Variants in EFCAB6 observed in about 807,000 individuals in gnomAD.
The protein encoded by EFCAB6 is EF-hand calcium-binding domain-containing protein 6.
EFCAB6 carries 156 observed loss-of-function variants against 169.8 expected under a neutral mutation model. That is an observed-to-expected ratio of 0.92 (90% CI 0.81 to 1.05). EFCAB6 has a LOEUF of 1.05. Ranked by LOEUF, EFCAB6 falls within the 50% of genes least tolerant of loss-of-function variation. The pLI is 0.00. For synonymous variants in EFCAB6, 698 were observed against 676.4 expected (o/e 1.03, Z -0.50); for missense variants, 1,800 against 1,829.1 (o/e 0.98, Z 0.29).
intron 26 of EFCAB6, among the ~76,000 whole-genome samples, chr22:43,568,031 C>T (rs1041259852): frequency 2.0e-5 from 3 of 152,222 alleles, no homozygotes; most frequent in African/African-American, 7.2e-5. Flanking sequence ...GGCACACTCA[C>T]AGGCAGGAGC....
At chr22:43,754,493 A>G (rs2060884808) in intron 6 of EFCAB6, among the ~76,000 whole-genome samples, 1 of 152,198 alleles carries the variant, frequency 6.6e-6, no homozygotes, top group Admixed American at 6.5e-5. Context: ...CTCTGGTACT[A>G]AGCATTACCT....
chr22:43,570,633 C>A (rs568143641), intron 26 of EFCAB6, among the ~76,000 whole-genome samples: 3 of 135,538 alleles, frequency 2.2e-5, no homozygotes, highest in Admixed American at 7.8e-5. Context: ...TTTTCCTGTT[C>A]GGCTTCTTCA....
intron 17 of EFCAB6, among the ~76,000 whole-genome samples, chr22:43,643,086 C>A (rs923368372): frequency 6.6e-6 from 1 of 152,174 alleles, no homozygotes; most frequent in African/African-American, 2.4e-5. Context: ...TGGCTCCAGA[C>A]AGGAACGGAA....
intron 26 of EFCAB6, among the ~76,000 whole-genome samples, chr22:43,562,566 G>A (rs1249428307): frequency 2.0e-5 from 3 of 146,500 alleles, no homozygotes; most frequent in African/African-American, 7.7e-5. Flanking sequence ...GTCAGAGGTG[G>A]GAGGGAGGCA....
chr22:43,688,999 A>G (rs1397708618), intron 10 of EFCAB6, among the ~76,000 whole-genome samples: 1 of 152,188 alleles, frequency 6.6e-6, no homozygotes, highest in African/African-American at 2.4e-5. Context: ...GAATTCTGGG[A>G]GAAAATCTTT....
At chr22:43,782,028 A>C (rs2061838031) in intron 3 of EFCAB6, 152 bp downstream of exon 3, 4 of 759,066 alleles carry the variant, frequency 5.3e-6, no homozygotes. Context: ...CAATTTCCCC[A>C]TATAGAAAAC....
At chr22:43,534,357 C>G (rs985665259) in intron 30 of EFCAB6, among the ~76,000 whole-genome samples, 7 of 152,206 alleles carry the variant, frequency 4.6e-5, no homozygotes, top group Non-Finnish European at 1.0e-4. Context: ...GCCTCCCCAG[C>G]CATGTGGAAC....
At chr22:43,767,894 T>C (rs969095617) in intron 4 of EFCAB6, among the ~76,000 whole-genome samples, 4 of 152,246 alleles carry the variant, frequency 2.6e-5, no homozygotes, top group South Asian at 2.1e-4. Context: ...TGCTCAGTAC[T>C]TGCCTTTTGG....
At chr22:43,616,389 G>A (rs867504367) in intron 20 of EFCAB6, among the ~76,000 whole-genome samples, 6 of 152,230 alleles carry the variant, frequency 3.9e-5, no homozygotes, top group African/African-American at 1.2e-4. Context: ...AGGGCCGGGT[G>A]CAGTGGCTCA....
chr22:43,670,867 C>CAGA, intron 15 of EFCAB6, among the ~76,000 whole-genome samples: 1 of 151,902 alleles, frequency 6.6e-6, no homozygotes, highest in South Asian at 2.1e-4. Flanking sequence ...CTGAGACCAG[C>CAGA]AGCAGCAGCA....
chr22:43,715,989 C>G (rs1189814858), intron 9 of EFCAB6, among the ~76,000 whole-genome samples: 1 of 152,048 alleles, frequency 6.6e-6, no homozygotes, highest in Non-Finnish European at 1.5e-5. Context: ...ACATATTGTG[C>G]CAAGTTTATC....
chr22:43,729,619 C>T (rs2059863181), intron 8 of EFCAB6, among the ~76,000 whole-genome samples: 1 of 152,130 alleles, frequency 6.6e-6, no homozygotes, highest in Non-Finnish European at 1.5e-5. Context: ...GCAGAGATCC[C>T]ACCTTGGAAG....
chr22:43,774,353 C>T (rs576821800), intron 3 of EFCAB6, among the ~76,000 whole-genome samples: 3 of 150,976 alleles, frequency 2.0e-5, no homozygotes, highest in South Asian at 2.1e-4. Context: ...CAAGAGACAA[C>T]GTGCAGGCAC....
At chr22:43,709,709 T>C (rs982395843) in intron 10 of EFCAB6, among the ~76,000 whole-genome samples, 3 of 152,204 alleles carry the variant, frequency 2.0e-5, no homozygotes, top group Non-Finnish European at 4.4e-5. Context: ...TAAATTATTA[T>C]TTGCATAATT....
chr22:43,696,694 C>T (rs1201148641), intron 10 of EFCAB6, among the ~76,000 whole-genome samples: 2 of 152,076 alleles, frequency 1.3e-5, no homozygotes, highest in Non-Finnish European at 2.9e-5. Context: ...TGGTCAAACA[C>T]AAAAGACTAC....
chr22:43,607,149 T>C (rs2052982026), intron 22 of EFCAB6, among the ~76,000 whole-genome samples: 1 of 152,196 alleles, frequency 6.6e-6, no homozygotes, highest in Non-Finnish European at 1.5e-5. Context: ...GGAGCAGCCC[T>C]ACCCTTCCTT....
chr22:43,759,519 G>A (rs995486394), intron 5 of EFCAB6: 10 of 152,108 alleles, frequency 6.6e-5, no homozygotes, highest in African/African-American at 1.4e-4. Flanking sequence ...TGTCCTACAC[G>A]TCCATCTGAA....
In EFCAB6 at chr22:43,788,712, G is replaced by C. The variant is rs911625694; in HGVS notation, c.-7-6387C>G. 2.6e-5 allele frequency among the ~76,000 whole-genome samples: 4 copies of C among 152,302 alleles called. No individual in the cohort carries two copies. In the East Asian group the frequency reaches 5.8e-4, roughly 22 times the overall value. Reference sequence around the variant, plus strand: ...AAACATAGAGTTGCCATACGGCCAAGCAATTTCACTCCCAGGTATATACCC... The same window carrying C: ...AAACATAGAGTTGCCATACGGCCAACCAATTTCACTCCCAGGTATATACCC... On this transcript the variant is annotated intron_variant, in intron 2 of 31. Transcript: ENST00000262726.
intron 17 of EFCAB6, among the ~76,000 whole-genome samples, chr22:43,657,647 A>G (rs991457173): frequency 6.6e-6 from 1 of 152,214 alleles, no homozygotes; most frequent in Non-Finnish European, 1.5e-5. Context: ...CAGAGAAATA[A>G]AGGCTGAAAA....
Sources: allele counts gnomAD v4.1 joint callset (sites outside exome capture counted in the v4.1 genomes callset), GRCh38; gene constraint gnomAD v4.1.1; transcripts MANE v1.5; gene names NCBI Gene and HGNC (gene_info 2026-07-23, HGNC 2026-07-21).